Variants in MAK observed in about 807,000 individuals in gnomAD.
The protein encoded by MAK is male germ cell associated kinase, also known as serine/threonine-protein kinase MAK.
MAK carries 65 observed loss-of-function variants against 82.6 expected under a neutral mutation model. That is an observed-to-expected ratio of 0.79 (90% CI 0.64 to 0.97). The LOEUF is 0.97. Ranked by LOEUF, MAK falls within the 50% of genes least tolerant of loss-of-function variation. The pLI, the probability that MAK is intolerant of heterozygous loss-of-function variation, is 0.00. For missense variants in MAK, 703 were observed against 780.2 expected, an observed-to-expected ratio of 0.90 and a Z score of 1.18; for synonymous variants, 250 against 274.2, an observed-to-expected ratio of 0.91 and a Z score of 0.87.
chr6:10,804,319 TATCCTC>T (rs1454393806), intron 6 of MAK, among the ~76,000 whole-genome samples: 3 of 152,220 alleles, frequency 2.0e-5, no homozygotes. Flanking sequence ...AAAGTACTGA[TATCCTC>T]AACTGACTCC....
intron 4 of MAK, among the ~76,000 whole-genome samples, chr6:10,816,868 T>G (rs1021069049): frequency 6.6e-6 from 1 of 152,146 alleles, no homozygotes; most frequent in Non-Finnish European, 1.5e-5. Context: ...TACTTGTAAG[T>G]AAATTAATCA....
rs1383668573 is a variant in MAK at position 10,817,920 on chromosome 6, T to C, written c.208A>G (p.Arg70Gly). 5.6e-6 allele frequency: 8 copies of C among 1,418,496 alleles called. No individual in the cohort carries two copies. The highest frequency in any genetic ancestry group is 6.9e-6 in the Non-Finnish European group (7 of 1,020,078). 87.9% of individuals were successfully genotyped at this position (1,418,496 alleles called of 1,614,324 possible). ...ATAAAATAAAGATGGTCATTTTCTC[T>C]GATAACTTCTTTCAATTTAATAACA... is the stretch of plus-strand genomic sequence containing the variant. The part of the protein sequence containing the change: ...ANVIKLKEVI[R>G]ENDHLYFIFE... Residue 70 changes from arginine to glycine, a missense_variant, in exon 4 of 15, where the codon AGA (arginine) becomes GGA (glycine). Physicochemically the swap from Arg to Gly is moderately radical, Grantham distance 125. Transcript: ENST00000354489.
chr6:10,826,439 A>G (rs1029374666), intron 2 of MAK: 6 of 152,046 alleles, frequency 3.9e-5, no homozygotes, highest in Non-Finnish European at 7.4e-5. Flanking sequence ...TAAGACATCT[A>G]TTTTGTCCCG....
chr6:10,767,477 A>G (rs142910289), intron 14 of MAK, among the ~76,000 whole-genome samples: 315 of 152,272 alleles, frequency 2.1e-3, no homozygotes, highest in Middle Eastern at 0.014. Context: ...GAGAGATTAC[A>G]TGGGAGGGAA....
intron 5 of MAK, among the ~76,000 whole-genome samples, chr6:10,812,512 A>G (rs1388431892): frequency 1.3e-5 from 2 of 152,312 alleles, no homozygotes; most frequent in African/African-American, 4.8e-5. Context: ...AACTAAATGT[A>G]AAAACTAAGG....
chr6:10,795,568 C>A (rs1775470360), intron 9 of MAK, among the ~76,000 whole-genome samples: 1 of 152,074 alleles, frequency 6.6e-6, no homozygotes, highest in Non-Finnish European at 1.5e-5. Flanking sequence ...CATGGTGAAA[C>A]CCCATCTCTA....
Position 10,803,883 on chromosome 6 carries a change from G to A in MAK, c.500C>T (p.Ala167Val). Residue 167 changes from alanine to valine, a missense_variant, in exon 7 of 15, where the codon GCC becomes GTC. By Grantham distance (64) the Ala-to-Val change is moderately conservative. Coordinates refer to ENST00000354489, the MANE Select transcript of MAK (RefSeq NM_001242957.3). ...TGAAGATCTCAGTAAAACTTCAGGG[G>A]CACGATACCTATGAAAATAGAGAAC... ...TDYVSTRWYR[A>V]PEVLLRSSVY... 1.2e-6 allele frequency: 2 copies of A among 1,613,862 alleles called. No homozygotes were observed. Among genetic ancestry groups the A allele is most frequent in the Non-Finnish European group, 1.7e-6 (2 of 1,179,812 alleles).
At chr6:10,783,273 AAT>A (rs1166210276) in intron 11 of MAK, among the ~76,000 whole-genome samples, 1 of 152,136 alleles carries the variant, frequency 6.6e-6, no homozygotes, top group Non-Finnish European at 1.5e-5. Flanking sequence ...TAGAGGAGAA[AAT>A]GCTATTTGCA....
At chr6:10,803,926 T>C in intron 6 of MAK, 35 bp from the exon 7 acceptor site, 1 of 1,596,490 alleles carries the variant, frequency 6.3e-7, no homozygotes, top group Non-Finnish European at 8.6e-7. Flanking sequence ...GTAATTTTGA[T>C]TGCAATTTCA....
chr6:10,774,958 A>G (rs1212393892), intron 12 of MAK, among the ~76,000 whole-genome samples: 2 of 152,216 alleles, frequency 1.3e-5, no homozygotes, highest in Non-Finnish European at 2.9e-5. Flanking sequence ...GTACTCAAGA[A>G]TTAGTGGGAA....
At chr6:10,830,237 C>T (rs1481472836) in intron 2 of MAK, among the ~76,000 whole-genome samples, 1 of 151,634 alleles carries the variant, frequency 6.6e-6, no homozygotes, top group Admixed American at 6.6e-5. Flanking sequence ...GCGATCTCAG[C>T]TCACTGCAAC....
intron 8 of MAK, among the ~76,000 whole-genome samples, chr6:10,798,200 C>T (rs539735348): frequency 3.3e-5 from 5 of 150,036 alleles, no homozygotes; most frequent in African/African-American, 9.9e-5. Context: ...TCACTGCATC[C>T]GCCTCCTGGG....
intron 6 of MAK, among the ~76,000 whole-genome samples, chr6:10,804,128 G>GC (rs1348237708): frequency 6.6e-6 from 1 of 152,120 alleles, no homozygotes; most frequent in East Asian, 1.9e-4. Flanking sequence ...TGTCCATCAA[G>GC]CCTAAGACAG....
chr6:10,813,009 C>G (rs949858916), intron 5 of MAK, among the ~76,000 whole-genome samples: 3 of 140,646 alleles, frequency 2.1e-5, no homozygotes, highest in African/African-American at 7.9e-5. Context: ...AGGTGATCCC[C>G]CCCCCCGCCT....
intron 1 of MAK, among the ~76,000 whole-genome samples, chr6:10,834,437 C>G (rs1002837375): frequency 1.3e-5 from 2 of 152,176 alleles, no homozygotes; most frequent in Non-Finnish European, 2.9e-5. Context: ...AACTTCTAAA[C>G]AAGCCATTCT....
intron 4 of MAK, among the ~76,000 whole-genome samples, chr6:10,815,743 T>C (rs973365871): frequency 6.6e-6 from 1 of 151,794 alleles, no homozygotes; most frequent in Non-Finnish European, 1.5e-5. Context: ...ATTACAAGCA[T>C]GAGCCATCAA....
At chr6:10,835,501 C>T (rs1779096918) in intron 1 of MAK, among the ~76,000 whole-genome samples, 1 of 152,230 alleles carries the variant, frequency 6.6e-6, no homozygotes, top group Admixed American at 6.5e-5. Flanking sequence ...CTCATGTGAT[C>T]CACCTGCCTC....
intron 1 of MAK, among the ~76,000 whole-genome samples, chr6:10,835,458 C>T (rs1581786530): frequency 6.6e-6 from 1 of 152,204 alleles, no homozygotes; most frequent in Admixed American, 6.5e-5. Flanking sequence ...CAGGGTTTTA[C>T]CACGTTGGCC....
chr6:10,803,894 A>G lies in MAK; in HGVS notation c.492-3T>C, dbSNP rs2127558598. The stretch of plus-strand genomic sequence containing the variant: ...GTAAAACTTCAGGGGCACGATACCT[A>G]TGAAAATAGAGAACAAAAGAGGTAA... On this transcript the variant is annotated splice_region_variant and splice_polypyrimidine_tract_variant and intron_variant, in intron 6 of 14. Coordinates refer to ENST00000354489, the MANE Select transcript of MAK (RefSeq NM_001242957.3). 1.2e-6 allele frequency: 2 copies of G among 1,613,730 alleles called. No individual in the cohort carries two copies. The highest frequency in any genetic ancestry group is 1.3e-5 in the African/African-American group (1 of 75,052).
Sources: allele counts gnomAD v4.1 joint callset (sites outside exome capture counted in the v4.1 genomes callset), GRCh38; gene constraint gnomAD v4.1.1; transcripts MANE v1.5; gene names NCBI Gene and HGNC (gene_info 2026-07-23, HGNC 2026-07-21).